OLA1: variants seen among roughly 807,000 people sequenced by gnomAD.
The protein encoded by OLA1 is obg-like ATPase 1.
Under a neutral mutation model 48.4 loss-of-function variants are expected in OLA1, and 14 were observed. The observed-to-expected ratio is 0.29, with a 90% confidence interval of 0.19 to 0.45. The LOEUF (loss-of-function observed/expected upper bound fraction) is 0.45, where lower values mean the gene tolerates loss of function less well. Ranked by LOEUF, OLA1 falls within the 20% of genes least tolerant of loss-of-function variation. OLA1 has a pLI of 1.00. For missense variants in OLA1, 325 were observed against 467.1 expected, an observed-to-expected ratio of 0.70 and a Z score of 2.80; for synonymous variants, 127 against 150.4, an observed-to-expected ratio of 0.84 and a Z score of 1.14.
rs1030588015 is a variant in OLA1 at position 174,170,782 on chromosome 2, T to C, written c.374-28782A>G. On this transcript the variant is annotated intron_variant, in intron 4 of 10. Transcript: ENST00000284719. ...AGCCAGGCATGGTGACATGAGCCTG[T>C]AGTCCCACTTACTCAAGAGGCTGAA... Among the ~76,000 whole-genome samples, 5 of 152,130 alleles carry C rather than the reference T, an allele frequency of 3.3e-5. No individual in the cohort carries two copies. The South Asian group carries it at 6.2e-4, about 19-fold the overall frequency.
chr2:174,164,355 T>TTCTGCATAGTGCAGAATGGATACCAG, intron 4 of OLA1, among the ~76,000 whole-genome samples: 2 of 152,244 alleles, frequency 1.3e-5, no homozygotes, highest in South Asian at 2.1e-4. Flanking sequence ...CGCAATACCA[T>TTCTGCATAGTGCAGAATGGATACCAG]TCTGCATAGT....
At chr2:174,201,525 T>C (rs1687989408) in intron 4 of OLA1, among the ~76,000 whole-genome samples, 1 of 152,102 alleles carries the variant, frequency 6.6e-6, no homozygotes, top group South Asian at 2.1e-4. Flanking sequence ...ATTTTTTTTA[T>C]TGTTTAGTAG....
chr2:174,144,083 AGAGCAAGACCTTGTC>A (rs989146371), intron 4 of OLA1, among the ~76,000 whole-genome samples: 4 of 152,182 alleles, frequency 2.6e-5, no homozygotes, highest in East Asian at 1.9e-4. Context: ...CCTGGGCAAC[AGAGCAAGACCTTGTC>A]GAGCAAGACC....
intron 4 of OLA1, among the ~76,000 whole-genome samples, chr2:174,196,003 T>C (rs1687871597): frequency 6.6e-6 from 1 of 152,164 alleles, no homozygotes; most frequent in Non-Finnish European, 1.5e-5. Context: ...CCAGGATTAT[T>C]TAACAAAACA....
At chr2:174,132,898 G>GT (rs1286519946) in intron 5 of OLA1, among the ~76,000 whole-genome samples, 2 of 151,994 alleles carry the variant, frequency 1.3e-5, no homozygotes, top group Non-Finnish European at 2.9e-5. Flanking sequence ...CTAAAATTCT[G>GT]TCTGCTTATT....
intron 5 of OLA1, among the ~76,000 whole-genome samples, chr2:174,125,397 T>C (rs932848204): frequency 3.9e-5 from 6 of 152,224 alleles, no homozygotes; most frequent in Middle Eastern, 3.4e-3. Flanking sequence ...CTGGTTACTA[T>C]GATGAGTGGC....
At chr2:174,153,806 C>G (rs1574513424) in intron 4 of OLA1, among the ~76,000 whole-genome samples, 1 of 152,306 alleles carries the variant, frequency 6.6e-6, no homozygotes, top group South Asian at 2.1e-4. Flanking sequence ...AGATTTTTCA[C>G]TTCTTATTCC....
At chr2:174,216,352 G>A (rs921359917) in intron 4 of OLA1, among the ~76,000 whole-genome samples, 2 of 151,940 alleles carry the variant, frequency 1.3e-5, no homozygotes, top group African/African-American at 4.8e-5. Context: ...CCTATACAAA[G>A]TGCTATTAGT....
At chr2:174,097,390 G>C (rs922197726) in intron 7 of OLA1, among the ~76,000 whole-genome samples, 4 of 152,178 alleles carry the variant, frequency 2.6e-5, no homozygotes, top group African/African-American at 9.7e-5. Flanking sequence ...ATATTTAATA[G>C]TCTTTTCAGT....
chr2:174,177,316 C>T (rs946068494), intron 4 of OLA1, among the ~76,000 whole-genome samples: 2 of 152,114 alleles, frequency 1.3e-5, no homozygotes, highest in East Asian at 1.9e-4. Context: ...CAAAATATTT[C>T]GACCTTCAAT....
chr2:174,153,606 T>G (rs1375686120), intron 4 of OLA1, among the ~76,000 whole-genome samples: 1 of 152,180 alleles, frequency 6.6e-6, no homozygotes, highest in African/African-American at 2.4e-5. Flanking sequence ...TAATTAGACA[T>G]CCGCACCATT....
chr2:174,135,104 G>A (rs1686274391), intron 5 of OLA1, among the ~76,000 whole-genome samples: 2 of 144,756 alleles, frequency 1.4e-5, no homozygotes, highest in Admixed American at 7.4e-5. Context: ...AGTTAGCAGT[G>A]AGCCAAGATC....
chr2:174,160,347 CAA>C (rs976276251), intron 4 of OLA1, among the ~76,000 whole-genome samples: 3 of 152,058 alleles, frequency 2.0e-5, no homozygotes, highest in African/African-American at 7.2e-5. Context: ...AACATTTCAG[CAA>C]AGTCTTGATT....
chr2:174,109,083 C>T (rs1055117212), intron 7 of OLA1, among the ~76,000 whole-genome samples: 1 of 152,022 alleles, frequency 6.6e-6, no homozygotes. Flanking sequence ...GTTAACAGGG[C>T]AGGGAAATAA....
intron 2 of OLA1, among the ~76,000 whole-genome samples, chr2:174,243,795 C>T (rs1689062925): frequency 6.6e-6 from 1 of 152,190 alleles, no homozygotes; most frequent in African/African-American, 2.4e-5. Context: ...GTTTCTGGGT[C>T]ATCAGCCTTA....
chr2:174,144,943 AAAAAAAAAATATAT>A (rs1486414768), intron 4 of OLA1, among the ~76,000 whole-genome samples: 2 of 69,930 alleles, frequency 2.9e-5, no homozygotes, highest in South Asian at 8.0e-4. Context: ...AAAAAAAAAA[AAAAAAAAAATATAT>A]ATATATATAT....
At chr2:174,077,070 A>G (rs1189172478) in intron 10 of OLA1, among the ~76,000 whole-genome samples, 1 of 152,066 alleles carries the variant, frequency 6.6e-6, no homozygotes, top group African/African-American at 2.4e-5. Context: ...TTCCACTGCT[A>G]TCAGAAACAC....
chr2:174,152,374 G>T (rs1378742690), intron 4 of OLA1, among the ~76,000 whole-genome samples: 1 of 152,096 alleles, frequency 6.6e-6, no homozygotes, highest in African/African-American at 2.4e-5. Context: ...CTGCACTCCA[G>T]CCTGGGTGAC....
intron 7 of OLA1, among the ~76,000 whole-genome samples, chr2:174,115,065 A>G (rs1174844950): frequency 1.3e-5 from 2 of 152,162 alleles, no homozygotes; most frequent in African/African-American, 4.8e-5. Flanking sequence ...CAGCCTGGTC[A>G]AGAGAGTGAG....
Sources: allele counts gnomAD v4.1 joint callset (sites outside exome capture counted in the v4.1 genomes callset), GRCh38; gene constraint gnomAD v4.1.1; transcripts MANE v1.5; gene names NCBI Gene and HGNC (gene_info 2026-07-23, HGNC 2026-07-21).